CPVL: variants seen among roughly 807,000 people sequenced by gnomAD.
CPVL encodes the protein probable serine carboxypeptidase CPVL.
In CPVL, 51 loss-of-function variants were observed where a neutral mutation model predicts 63.7. That is an observed-to-expected ratio of 0.80 (90% CI 0.64 to 1.01). The LOEUF (loss-of-function observed/expected upper bound fraction) is 1.01, where lower values mean the gene tolerates loss of function less well. Among genes scored for constraint, CPVL ranks in the 50% least tolerant of loss-of-function variants. CPVL has a pLI of 0.00. For synonymous variants in CPVL, 195 were observed against 206.0 expected (o/e 0.95, Z 0.46); for missense variants, 530 against 573.1 (o/e 0.92, Z 0.77).
At chr7:29,021,773 G>A (rs1364291429) in intron 12 of CPVL, among the ~76,000 whole-genome samples, 5 of 151,836 alleles carry the variant, frequency 3.3e-5, no homozygotes, top group Non-Finnish European at 5.9e-5. Context: ...AGCAGCTACG[G>A]CATGGTGCCA....
intron 4 of CPVL, among the ~76,000 whole-genome samples, chr7:29,182,018 A>G (rs1173535032): frequency 6.6e-6 from 1 of 152,226 alleles, no homozygotes; most frequent in African/African-American, 2.4e-5. Context: ...GCTGTAAATG[A>G]CTTTTTCTTA....
chr7:29,135,315 A>C (rs891223519), intron 1 of CPVL, among the ~76,000 whole-genome samples: 4 of 151,600 alleles, frequency 2.6e-5, no homozygotes, highest in African/African-American at 9.7e-5. Flanking sequence ...AAAAAGAATC[A>C]AAAGCCAAAA....
intron 12 of CPVL, among the ~76,000 whole-genome samples, chr7:29,027,029 C>T (rs1469535224): frequency 6.6e-6 from 1 of 152,066 alleles, no homozygotes; most frequent in Admixed American, 6.6e-5. Context: ...GACAAGGACA[C>T]ACACAAGAAG....
upstream of CPVL, among the ~76,000 whole-genome samples, chr7:29,151,437 G>A (rs987532721): frequency 2.0e-5 from 3 of 152,236 alleles, no homozygotes; most frequent in African/African-American, 2.4e-5. Flanking sequence ...AAAAAGCCAG[G>A]CAAATAAGAC....
chr7:29,036,733 GA>G (rs1340837921), intron 11 of CPVL, among the ~76,000 whole-genome samples: 5 of 152,172 alleles, frequency 3.3e-5, no homozygotes, highest in Non-Finnish European at 7.4e-5. Flanking sequence ...TTAAATGCTA[GA>G]AAAGTGTGGT....
intron 11 of CPVL, among the ~76,000 whole-genome samples, chr7:29,039,240 TTAAC>T (rs1477884023): frequency 2.6e-5 from 4 of 152,220 alleles, no homozygotes; most frequent in African/African-American, 9.6e-5. Context: ...ATTCATGAGT[TTAAC>T]TATCTCAGCA....
intron 1 of CPVL, among the ~76,000 whole-genome samples, chr7:29,190,772 C>A (rs1017994426): frequency 6.6e-6 from 1 of 152,112 alleles, no homozygotes; most frequent in Non-Finnish European, 1.5e-5. Context: ...CAGCTACTAA[C>A]GTGGAAAGGA....
At position 29,096,230 on chromosome 7, in the gene CPVL, G is replaced by T; in HGVS notation, c.289-13C>A. On this transcript the variant is annotated splice_polypyrimidine_tract_variant and intron_variant, in intron 3 of 12. Coordinates refer to ENST00000265394, the MANE Select transcript of CPVL (RefSeq NM_031311.5). ...CTTCTGGCTGTATCTAGAGGAAACA[G>T]TAAAACCAGTGACCACACAGAACAC... 1 of 1,589,788 alleles carries T rather than the reference G, an allele frequency of 6.3e-7. No homozygotes were observed. The highest frequency in any genetic ancestry group is 8.6e-7 in the Non-Finnish European group (1 of 1,157,836).
At chr7:29,149,797 G>A (rs1405501669), upstream of CPVL, among the ~76,000 whole-genome samples, 1 of 151,990 alleles carries the variant, frequency 6.6e-6, no homozygotes, top group Non-Finnish European at 1.5e-5. Context: ...GCCTTCCAGG[G>A]CTTTCTCTCT....
At chr7:29,135,809 C>T (rs1265256266) in intron 1 of CPVL, among the ~76,000 whole-genome samples, 1 of 152,154 alleles carries the variant, frequency 6.6e-6, no homozygotes, top group Non-Finnish European at 1.5e-5. Flanking sequence ...AGCAATCATC[C>T]CACCTTAGCC....
intron 11 of CPVL, among the ~76,000 whole-genome samples, chr7:29,031,042 G>A (rs1787972525): frequency 6.6e-6 from 1 of 152,154 alleles, no homozygotes; most frequent in African/African-American, 2.4e-5. Flanking sequence ...TTGGACTTAT[G>A]GCTATGTTAA....
intron 5 of CPVL, among the ~76,000 whole-genome samples, chr7:29,161,034 A>G (rs1312357551): frequency 6.6e-6 from 1 of 151,938 alleles, no homozygotes; most frequent in African/African-American, 2.4e-5. Flanking sequence ...CCTTCTTTTC[A>G]ACTCTATAAA....
intron 6 of CPVL, among the ~76,000 whole-genome samples, chr7:29,091,256 G>T (rs753815891): frequency 6.6e-6 from 1 of 152,200 alleles, no homozygotes; most frequent in Non-Finnish European, 1.5e-5. Flanking sequence ...ACTGTCTTTG[G>T]GGGAGGGGAA....
intron 3 of CPVL, chr7:29,185,408 C>G (rs532356654): frequency 6.6e-6 from 1 of 152,280 alleles, no homozygotes; most frequent in South Asian, 2.1e-4. Context: ...TTTCTCATAT[C>G]ATGATGTCTG....
intron 12 of CPVL, among the ~76,000 whole-genome samples, chr7:29,002,875 A>AG (rs948903033): frequency 1.3e-5 from 2 of 151,238 alleles, no homozygotes; most frequent in African/African-American, 4.8e-5. Flanking sequence ...TCAAAAAAAA[A>AG]AAAAAAGAAG....
At chr7:29,053,303 T>C (rs1790386619) in intron 11 of CPVL, among the ~76,000 whole-genome samples, 1 of 152,192 alleles carries the variant, frequency 6.6e-6, no homozygotes, top group South Asian at 2.1e-4. Context: ...TGAATATTCA[T>C]AGCAACATTT....
At chr7:29,109,936 C>G (rs1303483381) in intron 3 of CPVL, among the ~76,000 whole-genome samples, 1 of 152,210 alleles carries the variant, frequency 6.6e-6, no homozygotes, top group African/African-American at 2.4e-5. Flanking sequence ...GTAGAGCATG[C>G]AAACTAAATT....
intron 5 of CPVL, among the ~76,000 whole-genome samples, chr7:29,155,939 C>T (rs779791166): frequency 2.3e-4 from 35 of 152,194 alleles, no homozygotes; most frequent in Middle Eastern, 3.2e-3. Context: ...GATCTAGAGA[C>T]GGCCACGTGC....
intron 11 of CPVL, among the ~76,000 whole-genome samples, chr7:29,033,265 T>C (rs754813447): frequency 2.6e-5 from 4 of 152,134 alleles, no homozygotes; most frequent in Non-Finnish European, 4.4e-5. Flanking sequence ...TGAGCCCCTA[T>C]AGGAATATCC....
Sources: allele counts gnomAD v4.1 joint callset (sites outside exome capture counted in the v4.1 genomes callset), GRCh38; gene constraint gnomAD v4.1.1; transcripts MANE v1.5; gene names NCBI Gene and HGNC (gene_info 2026-07-23, HGNC 2026-07-21).